The following AHNAK2 variants were observed in gnomAD, a reference collection of about 807,000 sequenced individuals.
AHNAK2 encodes the protein protein AHNAK2.
AHNAK2 carries 18 observed loss-of-function variants against 30.7 expected under a neutral mutation model. The ratio of observed to expected loss-of-function variants is 0.59; its 90% CI spans 0.41 to 0.87. The LOEUF (loss-of-function observed/expected upper bound fraction) is 0.87, where lower values mean the gene tolerates loss of function less well. AHNAK2 is among the 40% of genes least tolerant of loss of function. The pLI, the probability that AHNAK2 is intolerant of heterozygous loss-of-function variation, is 0.00. For synonymous variants in AHNAK2, 3,590 were observed against 3,073.8 expected (o/e 1.17, Z -5.56); for missense variants, 8,604 against 7,373.0 (o/e 1.17, Z -6.11).
rs778750785 is a variant in AHNAK2 at position 104,948,152 on chromosome 14, G to A, written c.7299C>T (p.Pro2433=). 39 of 1,611,716 alleles carry A rather than the reference G, an allele frequency of 2.4e-5. No individual in the cohort carries two copies. The highest frequency in any genetic ancestry group is 3.1e-5 in the Non-Finnish European group (37 of 1,179,544). Residue 2433 remains proline, a synonymous_variant, in exon 7 of 7, where the codon CCC becomes CCT. Coordinates refer to ENST00000333244, the MANE Select transcript of AHNAK2 (RefSeq NM_138420.4). ...VKGPKLDLKG[P]KTDVMAPDVE... ...CGTCGGGGGCCATCACGTCCGTCTT[G>A]GGGCCTTTCAGGTCCAGCTTGGGGC...
chr14:104,937,529 TG>T lies in AHNAK2; in HGVS notation c.*533del, dbSNP rs1381236923. On this transcript the variant is annotated 3_prime_UTR_variant, in exon 7 of 7. Transcript: ENST00000333244. ...TTGTCACCCAAAACATCTTGAAACT[TG>T]CCATTAGTGAGGCATTCAACAAAGA... 6.7e-6 allele frequency: 1 copy of T among 149,454 alleles called. No homozygotes were observed. Among genetic ancestry groups the T allele is most frequent in the African/African-American group, 2.6e-5 (1 of 38,324 alleles). The allele number at this position is 149,454 out of a possible 1,614,324, so 9.3% of individuals were successfully genotyped here.
In AHNAK2 at chr14:104,940,002, C is replaced by T. The variant is rs566086148; in HGVS notation, c.15449G>A (p.Gly5150Glu). 1.2e-6 allele frequency: 2 copies of T among 1,612,630 alleles called. No individual in the cohort carries two copies. The highest frequency in any genetic ancestry group is 2.2e-5 in the South Asian group (2 of 91,086). Residue 5150 changes from glycine (G) to glutamate (E), a missense_variant, in exon 7 of 7, where the codon GGG becomes GAG. Coordinates refer to ENST00000333244, the MANE Select transcript of AHNAK2 (RefSeq NM_138420.4). This position sits in a 1 kb window ranked among gnomAD's most constrained non-coding sequence, Gnocchi z 4.4. ...DVPVSQPCGE[G>E]IAPTPEDPLQ... ...GGGATCTTCAGGTGTGGGGGCTATCCCCTCCCCACAAGGCTGGCTCACTGG... is the reference window on the plus strand; with the variant it reads ...GGGATCTTCAGGTGTGGGGGCTATCTCCTCCCCACAAGGCTGGCTCACTGG...
At position 104,942,433 on chromosome 14, in the gene AHNAK2, C is replaced by T. The variant is rs759256947; in HGVS notation, c.13018G>A (p.Asp4340Asn). 3.1e-6 allele frequency: 5 copies of T among 1,613,022 alleles called. No homozygotes were observed. The highest frequency in any genetic ancestry group is 1.7e-5 in the Admixed American group (1 of 59,934). The change falls in exon 7 of 7, where the codon GAC (aspartate) becomes AAC (asparagine). Residue 4340 changes from aspartate (D) to asparagine (N), a missense_variant. Coordinates refer to ENST00000333244, the MANE Select transcript of AHNAK2 (RefSeq NM_138420.4). ...ADVSLPSMQG[D>N]LKTTHLSIQP... Reference sequence around the variant, plus strand: ...ATGCTGAGGTGAGTGGTCTTCAGGTCCCCCTGCATGGAGGGGAGGCTCACG... The same window carrying T: ...ATGCTGAGGTGAGTGGTCTTCAGGTTCCCCTGCATGGAGGGGAGGCTCACG...
In AHNAK2 at chr14:104,949,877, G is replaced by A. The variant is rs377731075; in HGVS notation, c.5574C>T (p.Ser1858=). The change falls in exon 7 of 7, where the codon AGC becomes AGT. Residue 1858 remains serine (S), a synonymous_variant. Transcript: ENST00000333244. Reference sequence around the variant, plus strand: ...TGAGGTCCCCCTGCATGGAGGGGAGGCTCACTTCGGCCTCCACCTTCGGCG... The same window carrying A: ...TGAGGTCCCCCTGCATGGAGGGGAGACTCACTTCGGCCTCCACCTTCGGCG... ...VSAPKVEAEV[S]LPSMQGDLKT... is the part of the protein sequence containing the mutation. 1,208 of 1,586,332 alleles carry A rather than the reference G, an allele frequency of 7.6e-4. 85 individuals are homozygous for A. The highest frequency in any genetic ancestry group is 5.6e-3 in the African/African-American group (403 of 71,716).
Position 104,941,279 on chromosome 14 carries a change from A to C in AHNAK2, c.14172T>G (p.Gly4724=). The change falls in exon 7 of 7, where the codon GGT becomes GGG. Residue 4724 remains glycine, a synonymous_variant. Coordinates refer to ENST00000333244, the MANE Select transcript of AHNAK2 (RefSeq NM_138420.4). ...TKTPKDSLVP[G]AKSSIGLSTI... ...TGGAAAGACCTATGCTAGACTTTGC[A>C]CCTGGGACTAAACTATCTTTAGGAG... 1 of 1,613,580 alleles carries C rather than the reference A, an allele frequency of 6.2e-7. No homozygotes were observed. The highest frequency in any genetic ancestry group is 8.5e-7 in the Non-Finnish European group (1 of 1,179,838).
chr14:104,952,154 G>T lies in AHNAK2; in HGVS notation c.3297C>A (p.Pro1099=), dbSNP rs941181095. 1 of 1,612,272 alleles carries T rather than the reference G, an allele frequency of 6.2e-7. No individual in the cohort carries two copies. The highest frequency in any genetic ancestry group is 1.4e-5 in the African/African-American group (1 of 74,070). ...FKMPKVALKG[P]QVDVKGPKLD... Reference sequence around the variant, plus strand: ...GCTTGGGGCCCTTGACGTCCACCTGGGGGCCCTTGAGGGCCACTTTGGGCA... The same window carrying T: ...GCTTGGGGCCCTTGACGTCCACCTGTGGGCCCTTGAGGGCCACTTTGGGCA... The change falls in exon 7 of 7, where the codon CCC becomes CCA. Residue 1099 remains proline (P), a synonymous_variant. Coordinates refer to ENST00000333244, the MANE Select transcript of AHNAK2 (RefSeq NM_138420.4).
Position 104,947,972 on chromosome 14 carries a change from G to A in AHNAK2, c.7479C>T (p.Phe2493=), listed in dbSNP as rs373506724. Residue 2493 remains phenylalanine, a synonymous_variant, in exon 7 of 7, where the codon TTC becomes TTT. Transcript: ENST00000333244. The part of the protein sequence containing the change: ...FKIPKFKMPS[F]GVSAPGKSIE... ...TGGACTTGCCTGGGGCAGACACCCC[G>A]AATGACGGCATCTTGAACTTGGGAA... The A allele has an allele frequency of 1.8e-4, 297 of 1,610,948 alleles. 4 individuals are homozygous for A. The highest frequency in any genetic ancestry group is 1.5e-3 in the African/African-American group (107 of 73,760).
In AHNAK2 at chr14:104,957,382, C is replaced by T. The variant is rs186404466; in HGVS notation, c.213+28G>A. The T allele has an allele frequency of 8.4e-6, 13 of 1,548,426 alleles. No individual in the cohort carries two copies. In the African/African-American group the frequency reaches 1.4e-4, roughly 16 times the overall value. Reference sequence around the variant, plus strand: ...GGCGATGCAGGAGGAGACCTGGGTGCCTGTGGGGCTCTGCCCAGCAGGCTC... The same window carrying T: ...GGCGATGCAGGAGGAGACCTGGGTGTCTGTGGGGCTCTGCCCAGCAGGCTC... On this transcript the variant is annotated intron_variant, in intron 3 of 6. Coordinates refer to ENST00000333244, the MANE Select transcript of AHNAK2 (RefSeq NM_138420.4).
intron 1 of AHNAK2, among the ~76,000 whole-genome samples, chr14:104,960,659 A>C (rs1232203314): frequency 6.6e-6 from 1 of 152,206 alleles, no homozygotes; most frequent in African/African-American, 2.4e-5. Flanking sequence ...GATTGATTGT[A>C]AATGGGGTTG....
rs141806539 is a variant in AHNAK2, at chr14:104,967,575, C to T, written c.56-9903G>A. On this transcript the variant is annotated intron_variant, in intron 1 of 6. Transcript: ENST00000333244. ...CGTGCCTGGTCCTGCCACTGGCCCACGCGGGACAGTCCCCAGCCCCACCCT... is the reference window on the plus strand; with the variant it reads ...CGTGCCTGGTCCTGCCACTGGCCCATGCGGGACAGTCCCCAGCCCCACCCT... 2.4e-3 allele frequency among the ~76,000 whole-genome samples: 362 copies of T among 152,342 alleles called. 2 individuals carry two copies. The highest frequency in any genetic ancestry group is 5.5e-3 in the Admixed American group (84 of 15,310).
intron 1 of AHNAK2, among the ~76,000 whole-genome samples, chr14:104,968,864 C>T (rs1334188162): frequency 6.6e-6 from 1 of 152,216 alleles, no homozygotes; most frequent in Non-Finnish European, 1.5e-5. Context: ...GCTCCTCCCT[C>T]TGAACACCCA....
rs368188312 is a variant in AHNAK2, at chr14:104,946,580, A to T, written c.8871T>A (p.Gly2957=). Residue 2957 remains glycine, a synonymous_variant, in exon 7 of 7, where the codon GGT becomes GGA. Transcript: ENST00000333244. ...DVEAPRAKLD[G]ARLEGDLSLA... ...GGGACAGGTCACCCTCCAGCCGTGC[A>T]CCATCCAGCTTTGCTCTCGGGGCCT... The T allele has an allele frequency of 6.2e-7, 1 of 1,612,460 alleles. No homozygotes were observed. The highest frequency in any genetic ancestry group is 1.3e-5 in the African/African-American group (1 of 74,308).
Position 104,945,355 on chromosome 14 carries a change from C to T in AHNAK2, c.10096G>A (p.Glu3366Lys), listed in dbSNP as rs1467273759. 3.1e-6 allele frequency: 5 copies of T among 1,612,514 alleles called. No individual in the cohort carries two copies. Among genetic ancestry groups the T allele is most frequent in the Non-Finnish European group, 2.5e-6 (3 of 1,179,518 alleles). Residue 3366 changes from glutamate (E) to lysine (K), a missense_variant, in exon 7 of 7, where the codon GAG becomes AAG. Glu to Lys is a moderately conservative substitution (Grantham distance 56, BLOSUM62 1). Coordinates refer to ENST00000333244, the MANE Select transcript of AHNAK2 (RefSeq NM_138420.4). ...LSIQLPSVDL[E>K]VQAGQVDVKL... ...ACGTCCACCTGGCCAGCCTGGACCT[C>T]CAGGTCCACAGAAGGGAGCTGAATG... is the stretch of plus-strand genomic sequence containing the variant.
chr14:104,976,363 G>A (rs1899592419), intron 1 of AHNAK2, among the ~76,000 whole-genome samples: 1 of 152,212 alleles, frequency 6.6e-6, no homozygotes. Flanking sequence ...GCAGAGGGCA[G>A]GTTTGGACTG....
chr14:104,944,433 C>T lies in AHNAK2; in HGVS notation c.11018G>A (p.Ser3673Asn), dbSNP rs1898149741. ...VSAPKVEADV[S>N]LPSMQGDLKT... ...CAGGTCCCCCTGCATGGAGGGGAGA[C>T]TCACATCGGCTTCCACCTTGGGTGC... Residue 3673 changes from serine (S) to asparagine (N), a missense_variant, in exon 7 of 7, where the codon AGT becomes AAT. Transcript: ENST00000333244. The T allele has an allele frequency of 4.3e-6, 7 of 1,612,946 alleles. No individual in the cohort carries two copies. The highest frequency in any genetic ancestry group is 5.9e-6 in the Non-Finnish European group (7 of 1,179,544).
intron 1 of AHNAK2, among the ~76,000 whole-genome samples, chr14:104,977,197 G>A (rs980646555): frequency 6.6e-6 from 1 of 152,214 alleles, no homozygotes; most frequent in Non-Finnish European, 1.5e-5. Context: ...TTTCCCCAAG[G>A]AGTGGGGTCC....
rs779600329 is a variant in AHNAK2 at position 104,952,816 on chromosome 14, T to C, written c.2635A>G (p.Thr879Ala). The change falls in exon 7 of 7, where the codon ACT becomes GCT. Residue 879 changes from threonine (T) to alanine (A), a missense_variant. Coordinates refer to ENST00000333244, the MANE Select transcript of AHNAK2 (RefSeq NM_138420.4). ...GAAGGGGGCTGAATGCTGAGGTCAG[T>C]GGCCTTGAGGTCCCCCTGCATGGAG... The part of the protein sequence containing the change: ...LSSMQGDLKA[T>A]DLSIQPPSAD... 23 of 1,612,202 alleles carry C rather than the reference T, an allele frequency of 1.4e-5. No homozygotes were observed. The highest frequency in any genetic ancestry group is 6.6e-5 in the South Asian group (6 of 90,996).
rs1392156669 is a variant in AHNAK2 at position 104,951,373 on chromosome 14, C to T, written c.4078G>A (p.Ala1360Thr). The part of the protein sequence containing the change: ...SVDLSAPKVE[A>T]DMSLPSMQGD... ...TGCATGGAGGGGAGGCTCATGTCGG[C>T]CTCCACCTTGGGTGCAGACAGGTCC... is the stretch of plus-strand genomic sequence containing the variant. The change falls in exon 7 of 7, where the codon GCC becomes ACC. Residue 1360 changes from alanine (A) to threonine (T), a missense_variant. Coordinates refer to ENST00000333244, the MANE Select transcript of AHNAK2 (RefSeq NM_138420.4). The T allele has an allele frequency of 9.3e-7, 1 of 1,073,478 alleles. No homozygotes were observed. Among genetic ancestry groups the T allele is most frequent in the East Asian group, 2.3e-5 (1 of 44,030 alleles). 66.5% of individuals were successfully genotyped at this position (1,073,478 alleles called of 1,614,324 possible).
rs201871248 is a variant in AHNAK2 at position 104,950,922 on chromosome 14, T to A, written c.4529A>T (p.Lys1510Met). The A allele has an allele frequency of 3.9e-6, 6 of 1,556,884 alleles. No individual in the cohort carries two copies. In the South Asian group the frequency reaches 6.8e-5, roughly 18 times the overall value. Residue 1510 changes from lysine to methionine, a missense_variant, in exon 7 of 7, where the codon AAG becomes ATG. Lys to Met is a moderately conservative substitution (Grantham distance 95). Coordinates refer to ENST00000333244, the MANE Select transcript of AHNAK2 (RefSeq NM_138420.4). ...MPSFGVSAPGKSIEASVDVSA... is the reference protein window; with the variant it reads ...MPSFGVSAPGMSIEASVDVSA... ...CACATCCACTGAGGCCTCGATGGAC[T>A]TGCCTGGGGCAGACACCCCGAACGA... is the stretch of plus-strand genomic sequence containing the variant.
Sources: allele counts gnomAD v4.1 joint callset (sites outside exome capture counted in the v4.1 genomes callset), GRCh38; gene constraint gnomAD v4.1.1; non-coding constraint Gnocchi (gnomAD v3.1); transcripts MANE v1.5; gene names NCBI Gene and HGNC (gene_info 2026-07-23, HGNC 2026-07-21).